Variants in NCEH1 observed in about 807,000 individuals in gnomAD.
NCEH1 encodes the protein 2-acetyl MAGE hydrolase.
In NCEH1, 9 loss-of-function variants were observed where a neutral mutation model predicts 25.4. The observed-to-expected ratio is 0.35, with a 90% CI of 0.21 to 0.62. NCEH1 has a LOEUF of 0.62. NCEH1 is among the 20% of genes least tolerant of loss of function. The probability of loss-of-function intolerance (pLI) is 0.72; values close to 1 mark genes in which losing one functional copy is unlikely to be tolerated. For missense variants in NCEH1, 412 were observed against 501.1 expected (o/e 0.82, Z 1.70); for synonymous variants, 200 against 199.8 (o/e 1.00, Z -0.01).
intron 1 of NCEH1, among the ~76,000 whole-genome samples, chr3:172,665,456 G>T (rs1172683462): frequency 1.3e-5 from 2 of 152,202 alleles, no homozygotes; most frequent in African/African-American, 4.8e-5. Context: ...ACTTGAGGAG[G>T]CAGTCTGTCC....
intron 1 of NCEH1, among the ~76,000 whole-genome samples, chr3:172,673,370 A>C (rs1711757739): frequency 6.6e-6 from 1 of 152,182 alleles, no homozygotes; most frequent in South Asian, 2.1e-4. Flanking sequence ...GTGAAGCAAG[A>C]GGTACATAAA....
chr3:172,650,621 C>G (rs1717350304), intron 1 of NCEH1, among the ~76,000 whole-genome samples: 1 of 150,326 alleles, frequency 6.7e-6, no homozygotes, highest in Non-Finnish European at 1.5e-5. Flanking sequence ...TGCACTCCAG[C>G]CTGGGCGACA....
chr3:172,699,145 G>A (rs946016177), intron 1 of NCEH1, among the ~76,000 whole-genome samples: 1 of 152,230 alleles, frequency 6.6e-6, no homozygotes, highest in Non-Finnish European at 1.5e-5. Context: ...GAGAGGGAAA[G>A]AGACGGGGAA....
At chr3:172,679,778 C>A (rs1220762140) in intron 1 of NCEH1, among the ~76,000 whole-genome samples, 1 of 151,890 alleles carries the variant, frequency 6.6e-6, no homozygotes, top group East Asian at 1.9e-4. Context: ...TAGTGATTCC[C>A]GCCATCTTCT....
intron 1 of NCEH1, among the ~76,000 whole-genome samples, chr3:172,697,613 G>GTGATGCAT (rs1713443608): frequency 2.0e-5 from 3 of 152,004 alleles, no homozygotes; most frequent in South Asian, 4.2e-4. Flanking sequence ...TTTTCCCAAT[G>GTGATGCAT]TGATGCATTC....
At chr3:172,681,679 C>T (rs1712384147) in intron 1 of NCEH1, among the ~76,000 whole-genome samples, 1 of 143,760 alleles carries the variant, frequency 7.0e-6, no homozygotes, top group South Asian at 2.2e-4. Context: ...CACTTGAGGT[C>T]AGGAGTTCGA....
At chr3:172,697,380 G>A (rs756132493) in intron 1 of NCEH1, among the ~76,000 whole-genome samples, 1 of 152,106 alleles carries the variant, frequency 6.6e-6, no homozygotes, top group African/African-American at 2.4e-5. Flanking sequence ...CTAACCTCTA[G>A]CCACTGGATC....
intron 1 of NCEH1, among the ~76,000 whole-genome samples, chr3:172,684,842 A>G (rs1447319773): frequency 2.0e-5 from 3 of 152,046 alleles, no homozygotes; most frequent in African/African-American, 4.8e-5. Context: ...CTAGCCAGGC[A>G]TGGTGGTGTG....
intron 1 of NCEH1, among the ~76,000 whole-genome samples, chr3:172,659,996 T>TC (rs908861241): frequency 1.3e-5 from 2 of 152,128 alleles, no homozygotes; most frequent in African/African-American, 4.8e-5. Context: ...TTTTTTTTTT[T>TC]TTATACTTTA....
chr3:172,652,550 G>A (rs749766840), intron 1 of NCEH1, among the ~76,000 whole-genome samples: 7 of 152,214 alleles, frequency 4.6e-5, no homozygotes, highest in Non-Finnish European at 7.4e-5. Flanking sequence ...ACAGTGATGA[G>A]TGGGAATTCC....
chr3:172,699,845 C>T (rs1713585550), intron 1 of NCEH1, among the ~76,000 whole-genome samples: 1 of 152,040 alleles, frequency 6.6e-6, no homozygotes, highest in Non-Finnish European at 1.5e-5. Flanking sequence ...CAGCCTGCGC[C>T]ACAGACACCC....
chr3:172,679,444 C>G (rs1052959169), intron 1 of NCEH1, among the ~76,000 whole-genome samples: 1 of 152,036 alleles, frequency 6.6e-6, no homozygotes, highest in Non-Finnish European at 1.5e-5. Flanking sequence ...TTTACACCCC[C>G]CACCCCCGAC....
At chr3:172,679,073 C>G (rs1369441764) in intron 1 of NCEH1, among the ~76,000 whole-genome samples, 2 of 152,114 alleles carry the variant, frequency 1.3e-5, no homozygotes, top group Non-Finnish European at 2.9e-5. Context: ...GTATTTGTCC[C>G]GACTGGCTAG....
intron 1 of NCEH1, among the ~76,000 whole-genome samples, chr3:172,653,860 G>A (rs566145772): frequency 1.3e-5 from 2 of 150,846 alleles, no homozygotes; most frequent in Non-Finnish European, 2.9e-5. Context: ...TGGTTCAAGC[G>A]ATTTTCCTGC....
intron 1 of NCEH1, among the ~76,000 whole-genome samples, chr3:172,653,736 TTTTTTTTG>T (rs1439159615): frequency 3.1e-3 from 113 of 36,594 alleles, no homozygotes; most frequent in East Asian, 5.7e-3. Flanking sequence ...TGTTGTTCTG[TTTTTTTTG>T]TTTTTTTGTT....
At position 172,673,095 on chromosome 3, in the gene NCEH1, T is replaced by C. The variant is rs574780381; in HGVS notation, c.139-24981A>G. Among the ~76,000 whole-genome samples the C allele has an allele frequency of 6.6e-5, 10 of 152,324 alleles. No homozygotes were observed. In the East Asian group the frequency reaches 1.9e-3, roughly 29 times the overall value. On this transcript the variant is annotated intron_variant, in intron 1 of 4. Transcript: ENST00000475381. ...AAACACTAGACCCAGTCTCTCTCTT[T>C]TCTCCTCTCTAAGCCAGGCCTCCTC... is the stretch of plus-strand genomic sequence containing the variant.
intron 1 of NCEH1, among the ~76,000 whole-genome samples, chr3:172,664,296 C>T (rs1041426177): frequency 1.3e-4 from 20 of 152,214 alleles, no homozygotes; most frequent in African/African-American, 4.3e-4. Context: ...CCCCCACTCT[C>T]GTCTGGCTTG....
Position 172,648,078 on chromosome 3 carries a change from G to A in NCEH1, c.175C>T (p.Leu59=). The A allele has an allele frequency of 1.2e-6, 2 of 1,614,096 alleles. No homozygotes were observed. Among genetic ancestry groups the A allele is most frequent in the East Asian group, 2.2e-5 (1 of 44,876 alleles). ...ACAATGATAAAATTCAGTGCCAGCA[G>A]GTGATGGCTCAGTCCCAGGTAGTGG... ...LIHYLGLSHH[L]LALNFIIVSF... The change falls in exon 2 of 5, where the codon CTG becomes TTG. Residue 59 remains leucine (L), a synonymous_variant. Coordinates refer to ENST00000475381, the MANE Select transcript of NCEH1 (RefSeq NM_020792.6).
rs546636693 is a variant in NCEH1, at chr3:172,644,077, TAGGGCTTTTGGGTGACTGC to T, written c.437+1527_437+1545del. On this transcript the variant is annotated intron_variant, in intron 3 of 4. Coordinates refer to ENST00000475381, the MANE Select transcript of NCEH1 (RefSeq NM_020792.6). ...GATTTGGCTCCAGCTGTCTGGACTCTAGGGCTTTTGGGTGACTGCAGGGCTTTTGGGTGACTGCAGGGCT... is the reference window on the plus strand; with the variant it reads ...GATTTGGCTCCAGCTGTCTGGACTCTAGGGCTTTTGGGTGACTGCAGGGCT... 1.2e-3 allele frequency among the ~76,000 whole-genome samples: 176 copies of T among 151,954 alleles called. 1 individual carries two copies. Among genetic ancestry groups the T allele is most frequent in the African/African-American group, 3.8e-3 (159 of 41,342 alleles).
Sources: gnomAD v4.1 joint callset for allele counts (sites outside exome capture counted in the v4.1 genomes callset) on GRCh38, gnomAD v4.1.1 for gene constraint, MANE v1.5 for transcripts, NCBI Gene and HGNC (gene_info 2026-07-23, HGNC 2026-07-21) for gene names.